Variants in RFTN1 observed in about 807,000 individuals in gnomAD.
RFTN1 encodes the protein raftlin.
RFTN1 carries 26 observed loss-of-function variants against 46.5 expected under a neutral mutation model. That is an observed-to-expected ratio of 0.56 (90% confidence interval 0.41 to 0.78). RFTN1 has a LOEUF of 0.78. Among genes scored for constraint, RFTN1 ranks in the 30% least tolerant of loss-of-function variants. The probability of loss-of-function intolerance (pLI) is 0.00; values close to 1 mark genes in which losing one functional copy is unlikely to be tolerated. For missense variants in RFTN1, 693 were observed against 718.7 expected (o/e 0.96, Z 0.41); for synonymous variants, 261 against 284.2 (o/e 0.92, Z 0.82).
At chr3:16,409,103 C>T (rs976826753) in intron 4 of RFTN1, among the ~76,000 whole-genome samples, 4 of 152,314 alleles carry the variant, frequency 2.6e-5, no homozygotes, top group Admixed American at 6.5e-5. Flanking sequence ...GGAGTCCCGG[C>T]GCAGGCCTGC....
In RFTN1 at chr3:16,450,439, C is replaced by T. The variant is rs1356024300; in HGVS notation, c.146-16402G>A. On this transcript the variant is annotated intron_variant, in intron 2 of 9. Transcript: ENST00000334133. The surrounding 1 kb of genome is among the most constrained non-coding windows in gnomAD (Gnocchi z 4.6). ...GAAGGAAGGCAGGTAGGATAAGAGC[C>T]TGAGGCCCATCCAAGGGCTCTCTCC... 6.6e-6 allele frequency among the ~76,000 whole-genome samples: 1 copy of T among 152,214 alleles called. No homozygotes were observed. Among genetic ancestry groups the T allele is most frequent in the East Asian group, 1.9e-4 (1 of 5,188 alleles).
chr3:16,354,128 A>T (rs1372258061), intron 7 of RFTN1, among the ~76,000 whole-genome samples: 1 of 152,246 alleles, frequency 6.6e-6, no homozygotes, highest in Non-Finnish European at 1.5e-5. Flanking sequence ...TTGGAGAACA[A>T]AGATGAATAT....
chr3:16,354,330 A>G (rs1486299820), intron 7 of RFTN1, among the ~76,000 whole-genome samples: 1 of 152,192 alleles, frequency 6.6e-6, no homozygotes, highest in African/African-American at 2.4e-5. Flanking sequence ...AGGAAAAGAA[A>G]CCCATAAACC....
chr3:16,347,298 T>C (rs1009542509), intron 7 of RFTN1, among the ~76,000 whole-genome samples: 3 of 152,232 alleles, frequency 2.0e-5, no homozygotes, highest in Non-Finnish European at 2.9e-5. Flanking sequence ...ATATCCATTT[T>C]CTAGGGGGGG....
chr3:16,377,750 G>A lies in RFTN1; in HGVS notation c.794C>T (p.Pro265Leu), dbSNP rs1306849275. ...GAGTGGCTCTTCATGCACCTCCAAG[G>A]GGTTGCTCTCCGGTCCATCCAGTGT... ...SKTLDGPESN[P>L]LEVHEEPLSG... The change falls in exon 5 of 10, where the codon CCC (proline) becomes CTC (leucine). Residue 265 changes from proline (P) to leucine (L), a missense_variant. By Grantham distance (98) the Pro-to-Leu change is moderately conservative. Coordinates refer to ENST00000334133, the MANE Select transcript of RFTN1 (RefSeq NM_015150.2). The A allele has an allele frequency of 1.2e-6, 2 of 1,608,662 alleles. No homozygotes were observed. The highest frequency in any genetic ancestry group is 2.2e-5 in the East Asian group (1 of 44,704).
chr3:16,444,761 G>T (rs1032091791), intron 2 of RFTN1, among the ~76,000 whole-genome samples: 4 of 152,258 alleles, frequency 2.6e-5, no homozygotes. Context: ...GAACTTCGTG[G>T]TGGGAGTAAG....
rs1353146049 is a variant in RFTN1 at position 16,346,324 on chromosome 3, AACTT to A, written c.1146+11604_1146+11607del. 2.0e-5 allele frequency: 3 copies of A among 152,202 alleles called. No homozygotes were observed. Among genetic ancestry groups the A allele is most frequent in the South Asian group, 2.1e-4 (1 of 4,826 alleles). The allele number at this position is 152,202 out of a possible 1,614,324, so 9.4% of individuals were successfully genotyped here. On this transcript the variant is annotated intron_variant, in intron 7 of 9. Coordinates refer to ENST00000334133, the MANE Select transcript of RFTN1 (RefSeq NM_015150.2). The surrounding 1 kb of genome is among the most constrained non-coding windows in gnomAD (Gnocchi z 4.4). The stretch of plus-strand genomic sequence containing the variant: ...GTTGGATAAATTTTTAAAAAGATAT[AACTT>A]ACTTGTATCACTAAATTTTGTATAT...
Position 16,335,138 on chromosome 3 carries a change from A to G in RFTN1, c.1147-8262T>C, listed in dbSNP as rs553227602. The stretch of plus-strand genomic sequence containing the variant: ...TAAACTTGCGTTGTTTTAAGTCACT[A>G]AATCTGTGATTTGTTGCCGCAGCAA... On this transcript the variant is annotated intron_variant, in intron 7 of 9. Transcript: ENST00000334133. This position sits in a 1 kb window ranked among gnomAD's most constrained non-coding sequence, Gnocchi z 4.7. Among the ~76,000 whole-genome samples, 2 of 152,382 alleles carry G rather than the reference A, an allele frequency of 1.3e-5. No homozygotes were observed. Among genetic ancestry groups the G allele is most frequent in the African/African-American group, 4.8e-5 (2 of 41,586 alleles).
In RFTN1 at chr3:16,361,234, G is replaced by T. The variant is rs550379962; in HGVS notation, c.1031-3187C>A. On this transcript the variant is annotated intron_variant, in intron 6 of 9. Coordinates refer to ENST00000334133, the MANE Select transcript of RFTN1 (RefSeq NM_015150.2). The surrounding 1 kb of genome is among the most constrained non-coding windows in gnomAD (Gnocchi z 4.3). The stretch of plus-strand genomic sequence containing the variant: ...ATGGCATATAGGGCCTCAGAAGGGT[G>T]AGTGACATGTTACTGGAGTTCAAGT... Among the ~76,000 whole-genome samples, 1 of 152,278 alleles carries T rather than the reference G, an allele frequency of 6.6e-6. No individual in the cohort carries two copies. Among genetic ancestry groups the T allele is most frequent in the African/African-American group, 2.4e-5 (1 of 41,564 alleles).
chr3:16,487,338 G>A lies in RFTN1; in HGVS notation c.145+6387C>T, dbSNP rs1178746456. Among the ~76,000 whole-genome samples, 9 of 152,152 alleles carry A rather than the reference G, an allele frequency of 5.9e-5. No homozygotes were observed. In the East Asian group the frequency reaches 1.7e-3, roughly 29 times the overall value. On this transcript the variant is annotated intron_variant, in intron 2 of 9. Transcript: ENST00000334133. Reference sequence around the variant, plus strand: ...AAGGGCAAATCTTCATGATAAAATGGTACATTGTTATGACTTAGAGACACA... The same window carrying A: ...AAGGGCAAATCTTCATGATAAAATGATACATTGTTATGACTTAGAGACACA...
intron 6 of RFTN1, among the ~76,000 whole-genome samples, chr3:16,359,986 G>T (rs1236915375): frequency 6.6e-6 from 1 of 151,922 alleles, no homozygotes; most frequent in Non-Finnish European, 1.5e-5. Flanking sequence ...TAAACAAAAG[G>T]TCATCAGCAT....
chr3:16,332,158 G>T (rs2070382292), intron 7 of RFTN1, among the ~76,000 whole-genome samples: 1 of 151,884 alleles, frequency 6.6e-6, no homozygotes, highest in African/African-American at 2.4e-5. Flanking sequence ...TTGTCCTTCA[G>T]TTCTGAAAAA....
chr3:16,398,156 A>G (rs1473861927), intron 4 of RFTN1, among the ~76,000 whole-genome samples: 1 of 149,332 alleles, frequency 6.7e-6, no homozygotes, highest in Non-Finnish European at 1.5e-5. Flanking sequence ...CTGAGGCAGG[A>G]GAATGGCTTG....
chr3:16,502,544 G>A (rs2125006034), intron 1 of RFTN1, among the ~76,000 whole-genome samples: 1 of 152,330 alleles, frequency 6.6e-6, no homozygotes, highest in South Asian at 2.1e-4. Flanking sequence ...AGGATATGGT[G>A]GAAATGAGTG....
chr3:16,454,688 C>T, intron 2 of RFTN1: 2 of 840,164 alleles, frequency 2.4e-6, no homozygotes, highest in Non-Finnish European at 2.9e-6. Context: ...AGAATTCCTA[C>T]TCATCCTTCA....
intron 1 of RFTN1, among the ~76,000 whole-genome samples, chr3:16,496,413 C>A (rs1038730119): frequency 6.6e-6 from 1 of 152,198 alleles, no homozygotes; most frequent in African/African-American, 2.4e-5. Context: ...TACCCAACAG[C>A]AAACAGGTGA....
Position 16,437,253 on chromosome 3 carries a change from G to A in RFTN1, c.146-3216C>T, listed in dbSNP as rs538471157. Among the ~76,000 whole-genome samples, 103 of 152,268 alleles carry A rather than the reference G, an allele frequency of 6.8e-4. 1 individual carries two copies. The highest frequency in any genetic ancestry group is 6.4e-3 in the South Asian group (31 of 4,822). ...TGGGGAAACAGGCATGGCCCTCATC[G>A]TGGTGGGAGTGAACCTTTCTTGAGG... On this transcript the variant is annotated intron_variant, in intron 2 of 9. Coordinates refer to ENST00000334133, the MANE Select transcript of RFTN1 (RefSeq NM_015150.2).
intron 4 of RFTN1, among the ~76,000 whole-genome samples, chr3:16,396,560 A>G (rs1031242435): frequency 6.6e-6 from 1 of 152,206 alleles, no homozygotes; most frequent in Non-Finnish European, 1.5e-5. Flanking sequence ...TCTAGAGTGA[A>G]AAAAGAGAGG....
At chr3:16,378,143 T>C in intron 4 of RFTN1, 41 bp from the exon 5 acceptor site, 2 of 1,563,226 alleles carry the variant, frequency 1.3e-6, no homozygotes, top group Non-Finnish European at 1.8e-6. Context: ...GTGAATGAAA[T>C]GGTCTATCAA....
Sources: allele counts gnomAD v4.1 joint callset (sites outside exome capture counted in the v4.1 genomes callset), GRCh38; gene constraint gnomAD v4.1.1; non-coding constraint Gnocchi (gnomAD v3.1); transcripts MANE v1.5; gene names NCBI Gene and HGNC (gene_info 2026-07-23, HGNC 2026-07-21).